ZMYM5: variants seen among roughly 807,000 people sequenced by gnomAD.
ZMYM5 encodes the protein zinc finger MYM-type containing 5, also known as zinc finger MYM-type protein 5.
A neutral mutation model predicts 61.8 loss-of-function variants in ZMYM5; 41 were observed. That is an observed-to-expected ratio of 0.66 (90% CI 0.52 to 0.86). ZMYM5 has a LOEUF of 0.86. Ranked by LOEUF, ZMYM5 falls within the 40% of genes least tolerant of loss-of-function variation. The pLI, the probability that ZMYM5 is intolerant of heterozygous loss-of-function variation, is 0.00. For synonymous variants in ZMYM5, 257 were observed against 276.4 expected (o/e 0.93, Z 0.70); for missense variants, 706 against 786.7 (o/e 0.90, Z 1.23).
At chr13:19,849,427 A>G (rs1953201887) in intron 4 of ZMYM5, among the ~76,000 whole-genome samples, 1 of 152,142 alleles carries the variant, frequency 6.6e-6, no homozygotes, top group African/African-American at 2.4e-5. Context: ...CCCAGCCTAT[A>G]TTTTTATGAT....
chr13:19,835,014 C>T (rs1264509883), intron 7 of ZMYM5, among the ~76,000 whole-genome samples: 2 of 146,090 alleles, frequency 1.4e-5, no homozygotes, highest in Non-Finnish European at 3.0e-5. Flanking sequence ...TTTTTTGAGA[C>T]AGGCTTTCGC....
In ZMYM5 at chr13:19,824,281, T is replaced by C. The variant is rs1890800210; in HGVS notation, c.*196A>G. On this transcript the variant is annotated 3_prime_UTR_variant, in exon 8 of 8. Coordinates refer to ENST00000337963, the MANE Select transcript of ZMYM5 (RefSeq NM_001142684.2). ...TAATGAAGTCATTGCCTAATGATGA[T>C]TGAATCTAATTAGTTTTAGATTTAG... The C allele has an allele frequency of 8.5e-6, 2 of 234,140 alleles. No homozygotes were observed. Among genetic ancestry groups the C allele is most frequent in the East Asian group, 3.3e-4 (2 of 6,120 alleles). 14.5% of individuals were successfully genotyped at this position (234,140 alleles called of 1,614,324 possible). A position where few individuals can be genotyped will look rare whatever the true frequency, so the allele number is the denominator to read the frequency against.
intron 4 of ZMYM5, among the ~76,000 whole-genome samples, chr13:19,843,868 C>CTCA (rs1267018483): frequency 1.3e-5 from 2 of 148,268 alleles, no homozygotes; most frequent in Non-Finnish European, 3.0e-5. Context: ...GGTGCGGTGG[C>CTCA]TCACGCCTGT....
At chr13:19,863,244 C>G (rs1222355833) in intron 1 of ZMYM5, among the ~76,000 whole-genome samples, 3 of 151,644 alleles carry the variant, frequency 2.0e-5, no homozygotes, top group Admixed American at 2.0e-4. Flanking sequence ...CGCTGGCGAC[C>G]GCCTCACCCA....
At chr13:19,838,247 G>A (rs549992616) in intron 5 of ZMYM5, among the ~76,000 whole-genome samples, 39 of 152,112 alleles carry the variant, frequency 2.6e-4, no homozygotes, top group Admixed American at 8.5e-4. Flanking sequence ...GCGTGGTGGC[G>A]CGCACCTGTA....
intron 7 of ZMYM5, among the ~76,000 whole-genome samples, chr13:19,830,170 T>TTC (rs397802579): frequency 8.1e-6 from 1 of 123,956 alleles, no homozygotes; most frequent in African/African-American, 3.4e-5. Context: ...AGATTCTGTC[T>TTC]ACATTTTATG....
In ZMYM5 at chr13:19,838,862, G is replaced by A; in HGVS notation, c.710C>T (p.Thr237Ile). ...NFQPTAQQQL[T>I]KPAKITCANC... ...TGCACAAGTGATTTTAGCTGGTTTAGTAAGTTGTTGTTGGGCTGTAGGCTG... is the reference window on the plus strand; with the variant it reads ...TGCACAAGTGATTTTAGCTGGTTTAATAAGTTGTTGTTGGGCTGTAGGCTG... The change falls in exon 5 of 8, where the codon ACT (threonine) becomes ATT (isoleucine). Residue 237 changes from threonine (T) to isoleucine (I), a missense_variant. By Grantham distance (89) the Thr-to-Ile change is moderately conservative. Transcript: ENST00000337963. The A allele has an allele frequency of 6.2e-7, 1 of 1,614,134 alleles. No homozygotes were observed. The highest frequency in any genetic ancestry group is 8.5e-7 in the Non-Finnish European group (1 of 1,180,028).
intron 2 of ZMYM5, among the ~76,000 whole-genome samples, chr13:19,856,767 G>A (rs1566110215): frequency 6.6e-6 from 1 of 152,068 alleles, no homozygotes; most frequent in Non-Finnish European, 1.5e-5. Flanking sequence ...TTGAGACCAT[G>A]CCACTGCACT....
intron 5 of ZMYM5, 68 bp downstream of exon 5, chr13:19,838,632 T>C (rs985073793): frequency 1.3e-6 from 2 of 1,551,712 alleles, no homozygotes; most frequent in Admixed American, 3.5e-5. Flanking sequence ...GCTCTGCAGT[T>C]ATATTGAGTA....
rs775281517 is a variant in ZMYM5 at position 19,838,689 on chromosome 13, G to C, written c.872+11C>G. The C allele has an allele frequency of 8.1e-6, 13 of 1,613,282 alleles. No individual in the cohort carries two copies. In the South Asian group the frequency reaches 1.3e-4, roughly 16 times the overall value. On this transcript the variant is annotated intron_variant, in intron 5 of 7. Coordinates refer to ENST00000337963, the MANE Select transcript of ZMYM5 (RefSeq NM_001142684.2). ...CAACTATGTGGAGAAATGTTGAAAGGTACTGCTTACTTTTTACATATTATG... is the reference window on the plus strand; with the variant it reads ...CAACTATGTGGAGAAATGTTGAAAGCTACTGCTTACTTTTTACATATTATG...
In ZMYM5 at chr13:19,824,663, C is replaced by A. The variant is rs1307653591; in HGVS notation, c.1824G>T (p.Gly608=). The A allele has an allele frequency of 1.5e-6, 2 of 1,329,186 alleles. No homozygotes were observed. Among genetic ancestry groups the A allele is most frequent in the African/African-American group, 1.5e-5 (1 of 66,900 alleles). The allele number at this position is 1,329,186 out of a possible 1,614,324, so 82.3% of individuals were successfully genotyped here. The change falls in exon 8 of 8, where the codon GGG becomes GGT. Residue 608 remains glycine (G), a synonymous_variant. Transcript: ENST00000337963. ...GTGATAAATGTTGCCAATCTTTGCA[C>A]CCATTTTCATTTTTCAGTTGATTTT... ...EGKNQLKNEN[G]CKDWQHLSHI...
At position 19,830,274 on chromosome 13, in the gene ZMYM5, G is replaced by C. The variant is rs1005727042; in HGVS notation, c.1252-5039C>G. On this transcript the variant is annotated intron_variant, in intron 7 of 7. Transcript: ENST00000337963. ...TTCAGAAGGCTGTCACTTATCACTT[G>C]AAAATACTCATGTGTTTGGGGTGGA... Among the ~76,000 whole-genome samples the C allele has an allele frequency of 2.0e-5, 3 of 152,106 alleles. No individual in the cohort carries two copies. In the South Asian group the frequency reaches 6.2e-4, roughly 32 times the overall value.
At chr13:19,848,444 T>A (rs1175302740) in intron 4 of ZMYM5, among the ~76,000 whole-genome samples, 1 of 151,800 alleles carries the variant, frequency 6.6e-6, no homozygotes, top group African/African-American at 2.4e-5. Context: ...ACTACGTCCA[T>A]CCATTATTAT....
chr13:19,830,222 T>C (rs1677538762), intron 7 of ZMYM5, among the ~76,000 whole-genome samples: 1 of 152,328 alleles, frequency 6.6e-6, no homozygotes, highest in African/African-American at 2.4e-5. Context: ...GTGCAAGATT[T>C]CAGTTTTTTT....
chr13:19,846,281 T>C (rs1483228386), intron 4 of ZMYM5, among the ~76,000 whole-genome samples: 2 of 152,164 alleles, frequency 1.3e-5, no homozygotes, highest in Non-Finnish European at 2.9e-5. Flanking sequence ...ACAAAGGTTA[T>C]CTTACTGAAA....
intron 7 of ZMYM5, among the ~76,000 whole-genome samples, chr13:19,832,220 G>T (rs542772245): frequency 6.6e-6 from 1 of 151,910 alleles, no homozygotes; most frequent in Non-Finnish European, 1.5e-5. Context: ...TATAATCTAC[G>T]TGTAATTCTT....
At chr13:19,838,575 TA>T in intron 5 of ZMYM5, 124 bp downstream of exon 5, 1 of 1,234,342 alleles carries the variant, frequency 8.1e-7, no homozygotes, top group Non-Finnish European at 1.1e-6. Flanking sequence ...TCAAGCTCAA[TA>T]AACTTGAAGA....
intron 4 of ZMYM5, among the ~76,000 whole-genome samples, chr13:19,851,002 A>C (rs1953269851): frequency 6.6e-6 from 1 of 152,176 alleles, no homozygotes; most frequent in African/African-American, 2.4e-5. Context: ...TGAGGTTAGG[A>C]GTTCGAGATC....
intron 5 of ZMYM5, 49 bp downstream of exon 5, chr13:19,838,651 T>G (rs750140383): frequency 2.5e-6 from 4 of 1,586,308 alleles, no homozygotes; most frequent in Non-Finnish European, 3.5e-6. Flanking sequence ...TACTTATTTA[T>G]ACCATTAGTA....
Sources: gnomAD v4.1 joint callset for allele counts (sites outside exome capture counted in the v4.1 genomes callset) on GRCh38, gnomAD v4.1.1 for gene constraint, MANE v1.5 for transcripts, NCBI Gene and HGNC (gene_info 2026-07-23, HGNC 2026-07-21) for gene names.